Variants in RBFOX1 observed in about 807,000 individuals in gnomAD.
The protein encoded by RBFOX1 is RNA binding fox-1 homolog 1, also known as RNA binding protein fox-1 homolog 1.
RBFOX1 carries 8 observed loss-of-function variants against 57.7 expected under a neutral mutation model. The observed-to-expected ratio is 0.14, with a 90% CI of 0.08 to 0.25. The LOEUF is 0.25. RBFOX1 is among the 10% of genes least tolerant of loss of function. The pLI is 1.00. For synonymous variants in RBFOX1, 326 were observed against 222.4 expected (o/e 1.47, Z -4.15); for missense variants, 611 against 548.5 (o/e 1.11, Z -1.14).
At chr16:6,967,465 A>T (rs2084525343) in intron 3 of RBFOX1, among the ~76,000 whole-genome samples, 1 of 152,186 alleles carries the variant, frequency 6.6e-6, no homozygotes, top group Non-Finnish European at 1.5e-5. Context: ...GGATGGGGGC[A>T]GTGGATAGGA....
At chr16:7,312,391 A>G (rs559568534) in intron 4 of RBFOX1, among the ~76,000 whole-genome samples, 1 of 152,238 alleles carries the variant, frequency 6.6e-6, no homozygotes, top group African/African-American at 2.4e-5. Context: ...AACAGCAGCA[A>G]CAACAACAAT....
intron 1 of RBFOX1, among the ~76,000 whole-genome samples, chr16:6,231,113 A>T (rs1231683809): frequency 2.0e-5 from 3 of 152,096 alleles, no homozygotes; most frequent in Non-Finnish European, 4.4e-5. Flanking sequence ...GGTTTTTTGG[A>T]CGAATGATAA....
intron 2 of RBFOX1, among the ~76,000 whole-genome samples, chr16:6,450,004 C>T (rs564267083): frequency 1.3e-5 from 2 of 152,254 alleles, no homozygotes; most frequent in African/African-American, 4.8e-5. Flanking sequence ...GCTAGAATTG[C>T]TTTTATTGGA....
At chr16:6,656,844 T>G (rs1038157846) in intron 3 of RBFOX1, among the ~76,000 whole-genome samples, 1 of 151,816 alleles carries the variant, frequency 6.6e-6, no homozygotes, top group African/African-American at 2.4e-5. Flanking sequence ...CTAAGGACTT[T>G]TTTTAAAAAA....
chr16:7,119,624 T>C (rs1661843725), intron 4 of RBFOX1, among the ~76,000 whole-genome samples: 1 of 151,654 alleles, frequency 6.6e-6, no homozygotes, highest in African/African-American at 2.4e-5. Context: ...GGACATTATA[T>C]AAGGATAAGA....
intron 3 of RBFOX1, among the ~76,000 whole-genome samples, chr16:6,899,490 G>C (rs2067916112): frequency 6.6e-6 from 1 of 152,144 alleles, no homozygotes; most frequent in Non-Finnish European, 1.5e-5. Context: ...CGAGTCATCT[G>C]CTTACTATAC....
rs535960926 is a variant in RBFOX1 at position 7,145,314 on chromosome 16, C to G, written c.27+93216C>G. On this transcript the variant is annotated intron_variant, in intron 4 of 15. Transcript: ENST00000550418. The stretch of plus-strand genomic sequence containing the variant: ...CAACTTCCCGGGTACAAGAGATTCT[C>G]CTGCCTTAGCCTCCCGATTAGCTGG... 3.9e-5 allele frequency among the ~76,000 whole-genome samples: 6 copies of G among 152,288 alleles called. No homozygotes were observed. In the East Asian group the frequency reaches 5.8e-4, roughly 15 times the overall value.
intron 3 of RBFOX1, among the ~76,000 whole-genome samples, chr16:6,722,606 G>A (rs1017936857): frequency 1.3e-5 from 2 of 152,108 alleles, no homozygotes; most frequent in African/African-American, 4.8e-5. Context: ...TAATCAAGGG[G>A]TCCTTAAGTT....
intron 4 of RBFOX1, among the ~76,000 whole-genome samples, chr16:7,083,879 G>A (rs540184536): frequency 2.6e-5 from 4 of 152,090 alleles, no homozygotes; most frequent in African/African-American, 7.2e-5. Context: ...GAGGAATGGT[G>A]ACTCTGTGGT....
intron 3 of RBFOX1, among the ~76,000 whole-genome samples, chr16:6,691,187 G>C (rs895907477): frequency 6.6e-6 from 1 of 152,148 alleles, no homozygotes; most frequent in Non-Finnish European, 1.5e-5. Flanking sequence ...GCTATTAGCT[G>C]TGGGGGAGCT....
intron 2 of RBFOX1, among the ~76,000 whole-genome samples, chr16:5,593,108 T>C (rs769745108): frequency 1.5e-4 from 23 of 152,190 alleles, no homozygotes; most frequent in Non-Finnish European, 3.2e-4. Flanking sequence ...CCATCAATGA[T>C]AGACTGGAGA....
intron 3 of RBFOX1, among the ~76,000 whole-genome samples, chr16:5,692,317 A>T (rs987134017): frequency 6.6e-6 from 1 of 152,126 alleles, no homozygotes; most frequent in Admixed American, 6.5e-5. Context: ...CAACAAGCCA[A>T]GGAACTGCAG....
chr16:6,661,138 A>G (rs545880386), intron 3 of RBFOX1, among the ~76,000 whole-genome samples: 5 of 152,304 alleles, frequency 3.3e-5, no homozygotes, highest in South Asian at 2.1e-4. Flanking sequence ...TTCTAAGCCA[A>G]TCTGAATTTT....
chr16:6,166,869 G>A (rs2095369854), intron 1 of RBFOX1, among the ~76,000 whole-genome samples: 1 of 152,106 alleles, frequency 6.6e-6, no homozygotes, highest in South Asian at 2.1e-4. Flanking sequence ...CACCTCCCGG[G>A]TTCAAGCAAT....
chr16:6,535,455 A>C (rs780401333), intron 2 of RBFOX1, among the ~76,000 whole-genome samples: 3 of 152,162 alleles, frequency 2.0e-5, no homozygotes, highest in Non-Finnish European at 4.4e-5. Flanking sequence ...TTCTTTTCAT[A>C]CCACCCAACA....
chr16:5,526,642 C>G (rs527307087), intron 2 of RBFOX1, among the ~76,000 whole-genome samples: 152 of 152,226 alleles, frequency 1.0e-3, no homozygotes, highest in African/African-American at 3.3e-3. Context: ...CAAGGACACA[C>G]AAGCAATGAA....
At chr16:7,139,241 T>C (rs902537458) in intron 4 of RBFOX1, among the ~76,000 whole-genome samples, 1 of 151,650 alleles carries the variant, frequency 6.6e-6, no homozygotes, top group African/African-American at 2.4e-5. Flanking sequence ...CCTCCTCTCT[T>C]CTCTTTCTTT....
At chr16:7,221,344 A>ATAAT (rs1555593136) in intron 4 of RBFOX1, among the ~76,000 whole-genome samples, 1 of 114,632 alleles carries the variant, frequency 8.7e-6, no homozygotes, top group Non-Finnish European at 2.1e-5. Flanking sequence ...TTTTTATTTG[A>ATAAT]TTATTTATTT....
chr16:7,181,800 A>G (rs915839993), intron 4 of RBFOX1, among the ~76,000 whole-genome samples: 4 of 152,088 alleles, frequency 2.6e-5, no homozygotes, highest in African/African-American at 9.7e-5. Flanking sequence ...AGCTCAAGCG[A>G]TCTGCCCATC....
Sources: gnomAD v4.1 joint callset for allele counts (sites outside exome capture counted in the v4.1 genomes callset) on GRCh38, gnomAD v4.1.1 for gene constraint, MANE v1.5 for transcripts, NCBI Gene and HGNC (gene_info 2026-07-23, HGNC 2026-07-21) for gene names.